Variants in CNTLN observed in about 807,000 individuals in gnomAD.
CNTLN encodes centlein.
Under a neutral mutation model 180.0 loss-of-function variants are expected in CNTLN, and 212 were observed. That is an observed-to-expected ratio of 1.18 (90% confidence interval 1.05 to 1.32). The LOEUF (loss-of-function observed/expected upper bound fraction) is 1.32, where lower values mean the gene tolerates loss of function less well. CNTLN is among the 40% of genes most tolerant of loss of function. The pLI, the probability that CNTLN is intolerant of heterozygous loss-of-function variation, is 0.00. For synonymous variants in CNTLN, 722 were observed against 563.1 expected, an observed-to-expected ratio of 1.28 and a Z score of -3.99; for missense variants, 2,095 against 1,610.9, an observed-to-expected ratio of 1.30 and a Z score of -5.14.
chr9:17,507,718 T>C (rs976251119), downstream of CNTLN, among the ~76,000 whole-genome samples: 6 of 152,174 alleles, frequency 3.9e-5, no homozygotes, highest in African/African-American at 1.2e-4. Context: ...AGCTTCGACT[T>C]TTAATTTTTA....
chr9:17,334,949 C>T (rs1820903417), intron 10 of CNTLN, among the ~76,000 whole-genome samples: 1 of 149,074 alleles, frequency 6.7e-6, no homozygotes, highest in South Asian at 2.2e-4. Context: ...AATTGGCAAG[C>T]TAGAGAGCCA....
chr9:17,244,420 G>C (rs970792993), intron 5 of CNTLN, among the ~76,000 whole-genome samples: 1 of 152,046 alleles, frequency 6.6e-6, no homozygotes, highest in African/African-American at 2.4e-5. Flanking sequence ...GTCTTGCTAT[G>C]TTGCCCAGAC....
At chr9:17,496,583 T>G (rs1368455746) in intron 25 of CNTLN, among the ~76,000 whole-genome samples, 1 of 152,184 alleles carries the variant, frequency 6.6e-6, no homozygotes, top group African/African-American at 2.4e-5. Flanking sequence ...ACACAAGCAT[T>G]TAGTTAATAA....
chr9:17,521,469 T>G, the CNTLN span, among the ~76,000 whole-genome samples: 1 of 152,226 alleles, frequency 6.6e-6, no homozygotes, highest in East Asian at 1.9e-4. Context: ...CTTAATTGAA[T>G]AATTCTTTTT....
chr9:17,244,996 C>G (rs1222803419), intron 5 of CNTLN, among the ~76,000 whole-genome samples: 2 of 152,080 alleles, frequency 1.3e-5, no homozygotes, highest in Admixed American at 1.3e-4. Flanking sequence ...TCTTATTCTA[C>G]TGTATTATGT....
intron 2 of CNTLN, among the ~76,000 whole-genome samples, chr9:17,210,689 G>T (rs2131959827): frequency 6.6e-6 from 1 of 152,278 alleles, no homozygotes; most frequent in Non-Finnish European, 1.5e-5. Flanking sequence ...GTGTAAAAAT[G>T]TTCCTGTTTC....
intron 3 of CNTLN, among the ~76,000 whole-genome samples, chr9:17,234,392 A>G (rs575042825): frequency 6.9e-4 from 105 of 152,180 alleles, no homozygotes; most frequent in Non-Finnish European, 1.2e-3. Flanking sequence ...GCCGTGAGCC[A>G]TGATTGTGCC....
the CNTLN span, among the ~76,000 whole-genome samples, chr9:17,525,054 G>A: frequency 2.0e-5 from 3 of 152,142 alleles, no homozygotes; most frequent in African/African-American, 4.8e-5. Context: ...CAATAACATA[G>A]ACATTGTTGG....
chr9:17,195,592 A>G (rs1194632176), intron 2 of CNTLN, among the ~76,000 whole-genome samples: 1 of 152,214 alleles, frequency 6.6e-6, no homozygotes, highest in East Asian at 1.9e-4. Context: ...CTTAATAAAT[A>G]CTTCTAAATT....
rs956882013 is a variant in CNTLN, at chr9:17,394,972, G to T, written c.2518G>T (p.Gly840Cys). 6.2e-7 allele frequency: 1 copy of T among 1,613,604 alleles called. No individual in the cohort carries two copies. Among genetic ancestry groups the T allele is most frequent in the African/African-American group, 1.3e-5 (1 of 74,884 alleles). The change falls in exon 15 of 26, where the codon GGT (glycine) becomes TGT (cysteine). Residue 840 changes from glycine to cysteine, a missense_variant. Physicochemically the swap from Gly to Cys is radical, Grantham distance 159. Transcript: ENST00000380647. ...AGCTGCGAAGAAAAATTGCTCTGTG[G>T]GTCGTCACCACACTGTTCTCAATCA... is the stretch of plus-strand genomic sequence containing the variant. ...FKAAKKNCSV[G>C]RHHTVLNHSI...
chr9:17,456,372 A>G (rs1443190184), intron 18 of CNTLN, among the ~76,000 whole-genome samples: 1 of 152,168 alleles, frequency 6.6e-6, no homozygotes. Context: ...ATAGCCAAAT[A>G]GTTTTTTTCA....
chr9:17,140,913 T>C (rs1818044936), intron 1 of CNTLN, among the ~76,000 whole-genome samples: 1 of 152,108 alleles, frequency 6.6e-6, no homozygotes, highest in Non-Finnish European at 1.5e-5. Flanking sequence ...AGAGAAGGCT[T>C]TTCTAACTGG....
intron 18 of CNTLN, among the ~76,000 whole-genome samples, chr9:17,432,131 C>G (rs1348918802): frequency 6.6e-6 from 1 of 151,772 alleles, no homozygotes; most frequent in Non-Finnish European, 1.5e-5. Context: ...AAATCCAAAC[C>G]TGGAGAAATC....
chr9:17,216,050 C>T lies in CNTLN; in HGVS notation c.450-10153C>T, dbSNP rs1015545637. On this transcript the variant is annotated intron_variant, in intron 2 of 25. Transcript: ENST00000380647. ...TTTGGCTCACATTCGGTGGGCTGCA[C>T]CCACTGTCCTGCACCCACTATCTGA... Among the ~76,000 whole-genome samples the T allele has an allele frequency of 1.6e-4, 25 of 152,196 alleles. 1 individual carries two copies. The highest frequency in any genetic ancestry group is 1.0e-3 in the Admixed American group (16 of 15,294).
intron 22 of CNTLN, among the ~76,000 whole-genome samples, 164 bp downstream of exon 22, chr9:17,466,282 T>A (rs73641963): frequency 0.039 from 5,849 of 151,536 alleles, 412 homozygotes; most frequent in African/African-American, 0.13. Context: ...AAACATTGGT[T>A]TAACATTAAA....
chr9:17,349,179 G>A (rs143131351), intron 12 of CNTLN, among the ~76,000 whole-genome samples: 1,833 of 152,160 alleles, frequency 0.012, 45 homozygotes, highest in African/African-American at 0.042. Flanking sequence ...AAAGTCTCAT[G>A]TTTGTTTTAT....
intron 12 of CNTLN, among the ~76,000 whole-genome samples, chr9:17,347,490 G>A (rs1298547671): frequency 1.3e-5 from 2 of 152,038 alleles, no homozygotes; most frequent in Non-Finnish European, 2.9e-5. Context: ...ACAACATGGT[G>A]AAACCCTGTC....
intron 18 of CNTLN, among the ~76,000 whole-genome samples, chr9:17,424,848 C>T (rs1174850561): frequency 1.3e-5 from 2 of 152,106 alleles, no homozygotes; most frequent in Non-Finnish European, 2.9e-5. Flanking sequence ...GGCAATAAGG[C>T]CTTCACCAGA....
intron 2 of CNTLN, among the ~76,000 whole-genome samples, chr9:17,152,896 C>G (rs1818990218): frequency 6.6e-6 from 1 of 152,188 alleles, no homozygotes; most frequent in Non-Finnish European, 1.5e-5. Flanking sequence ...GCATTGATCC[C>G]TTTACCATCA....
Sources: gnomAD v4.1 joint callset for allele counts (sites outside exome capture counted in the v4.1 genomes callset) on GRCh38, gnomAD v4.1.1 for gene constraint, MANE v1.5 for transcripts, NCBI Gene and HGNC (gene_info 2026-07-23, HGNC 2026-07-21) for gene names.